Variants in EHHADH observed in about 807,000 individuals in gnomAD.
EHHADH encodes the protein enoyl-CoA hydratase and 3-hydroxyacyl CoA dehydrogenase, also known as peroxisomal bifunctional enzyme.
EHHADH carries 48 observed loss-of-function variants against 64.4 expected under a neutral mutation model. The ratio of observed to expected loss-of-function variants is 0.75; its 90% CI spans 0.59 to 0.95. The LOEUF is 0.95. Among genes scored for constraint, EHHADH ranks in the 40% least tolerant of loss-of-function variants. The pLI is 0.00. For missense variants in EHHADH, 854 were observed against 876.6 expected (o/e 0.97, Z 0.33); for synonymous variants, 308 against 326.7 (o/e 0.94, Z 0.62).
chr3:185,220,996 C>T (rs1718818279), intron 4 of EHHADH, among the ~76,000 whole-genome samples: 1 of 152,128 alleles, frequency 6.6e-6, no homozygotes, highest in Admixed American at 6.5e-5. Context: ...AAATCAAAAC[C>T]CCATCATATT....
chr3:185,192,737 C>T lies in EHHADH; in HGVS notation c.1661G>A (p.Gly554Asp). 2 of 1,614,110 alleles carry T rather than the reference C, an allele frequency of 1.2e-6. No homozygotes were observed. Among genetic ancestry groups the T allele is most frequent in the Non-Finnish European group, 1.7e-6 (2 of 1,180,022 alleles). Residue 554 changes from glycine to aspartate, a missense_variant, in exon 7 of 7, where the codon GGT becomes GAT. By Grantham distance (94) the Gly-to-Asp change is moderately conservative. Transcript: ENST00000231887. ...AGGAATTGGGCAGTACCTCCTATTA[C>T]CCCTTTTTCGGGCAGGAGTTCCTGG... is the stretch of plus-strand genomic sequence containing the variant. ...LLPGTPARKR[G>D]NRRYCPIPDV... is the part of the protein sequence containing the mutation.
chr3:185,245,506 T>C (rs1452402604), intron 2 of EHHADH: 13 of 1,056,002 alleles, frequency 1.2e-5, no homozygotes, highest in Non-Finnish European at 1.3e-5. Flanking sequence ...CATGACAGTC[T>C]GGAAGCCAGT....
chr3:185,227,473 G>T (rs549054151), intron 4 of EHHADH, among the ~76,000 whole-genome samples: 1 of 151,726 alleles, frequency 6.6e-6, no homozygotes, highest in Admixed American at 6.6e-5. Context: ...CAGAGGTTGC[G>T]GTGAGCTGAG....
At chr3:185,242,911 T>C (rs1719496901) in intron 2 of EHHADH, among the ~76,000 whole-genome samples, 1 of 152,220 alleles carries the variant, frequency 6.6e-6, no homozygotes, top group Admixed American at 6.5e-5. Context: ...TGTTACAAAG[T>C]TCAGCTGCAG....
In EHHADH at chr3:185,205,053, T is replaced by C. The variant is rs536577460; in HGVS notation, c.569-296A>G. ...GACAATTTTATAATAGATTAATGATTAATTAATTAAATTAATCAATAGATT... is the reference window on the plus strand; with the variant it reads ...GACAATTTTATAATAGATTAATGATCAATTAATTAAATTAATCAATAGATT... On this transcript the variant is annotated intron_variant, in intron 5 of 6. Transcript: ENST00000231887. Among the ~76,000 whole-genome samples the C allele has an allele frequency of 4.6e-5, 7 of 151,950 alleles. 1 individual carries two copies. Among genetic ancestry groups the C allele is most frequent in the African/African-American group, 1.7e-4 (7 of 41,520 alleles).
chr3:185,213,484 A>C (rs1392538711), intron 5 of EHHADH, among the ~76,000 whole-genome samples: 1 of 152,178 alleles, frequency 6.6e-6, no homozygotes, highest in African/African-American at 2.4e-5. Context: ...ATAAATGCAT[A>C]TATATTTAAT....
intron 5 of EHHADH, among the ~76,000 whole-genome samples, chr3:185,217,134 A>AGGTGGGAGCCT (rs1718701531): frequency 6.6e-6 from 1 of 152,086 alleles, no homozygotes; most frequent in Admixed American, 6.6e-5. Flanking sequence ...CCAGTGTTTG[A>AGGTGGGAGCCT]GGTGGGAGCC....
intron 5 of EHHADH, among the ~76,000 whole-genome samples, chr3:185,206,548 C>T (rs909337294): frequency 2.0e-5 from 3 of 152,240 alleles, no homozygotes; most frequent in African/African-American, 4.8e-5. Context: ...GAAATGACAG[C>T]CAGGTGCAGT....
At chr3:185,245,428 C>T in intron 2 of EHHADH, 1 of 744,094 alleles carries the variant, frequency 1.3e-6, no homozygotes, top group Non-Finnish European at 2.1e-6. Context: ...CACATATCCA[C>T]AACACGCTTT....
At chr3:185,213,934 CA>C (rs1560012104) in intron 5 of EHHADH, among the ~76,000 whole-genome samples, 1 of 147,752 alleles carries the variant, frequency 6.8e-6, no homozygotes, top group African/African-American at 2.5e-5. Context: ...TGGGGAAGCA[CA>C]AAAAGAAAAG....
intron 2 of EHHADH, among the ~76,000 whole-genome samples, chr3:185,243,028 G>T (rs1245743170): frequency 6.6e-6 from 1 of 152,218 alleles, no homozygotes; most frequent in Non-Finnish European, 1.5e-5. Context: ...CAAGCTCCCA[G>T]GGCCTTTCCT....
Position 185,204,708 on chromosome 3 carries a change from C to T in EHHADH, c.618G>A (p.Leu206=), listed in dbSNP as rs779045927. 2 of 1,613,884 alleles carry T rather than the reference C, an allele frequency of 1.2e-6. No homozygotes were observed. Among genetic ancestry groups the T allele is most frequent in the Admixed American group, 1.7e-5 (1 of 59,996 alleles). Residue 206 remains leucine (L), a synonymous_variant, in exon 6 of 7, where the codon TTG becomes TTA. Transcript: ENST00000231887. The part of the protein sequence containing the change: ...RRLCNKPIQS[L]PNMDSIFSEA... The stretch of plus-strand genomic sequence containing the variant: ...CACTAAAAATGCTGTCCATGTTGGG[C>T]AAGCTCTGAATTGGCTTGTTGCAGA...
chr3:185,219,771 T>C (rs1718786781), intron 4 of EHHADH, among the ~76,000 whole-genome samples: 1 of 152,190 alleles, frequency 6.6e-6, no homozygotes, highest in Non-Finnish European at 1.5e-5. Context: ...GCACTTACAG[T>C]GTTGGTGGAT....
chr3:185,234,967 A>G (rs1314208374), intron 3 of EHHADH, among the ~76,000 whole-genome samples: 1 of 152,134 alleles, frequency 6.6e-6, no homozygotes, highest in Non-Finnish European at 1.5e-5. Flanking sequence ...TGGTCACCTG[A>G]GGTCAGGAGT....
chr3:185,241,588 A>G (rs1719454223), intron 2 of EHHADH, among the ~76,000 whole-genome samples: 1 of 151,878 alleles, frequency 6.6e-6, no homozygotes, highest in African/African-American at 2.4e-5. Context: ...TTGTTGGCCA[A>G]TTGTGTATAT....
At chr3:185,223,318 GTTTTGA>G (rs1190483415) in intron 4 of EHHADH, among the ~76,000 whole-genome samples, 1 of 151,958 alleles carries the variant, frequency 6.6e-6, no homozygotes, top group African/African-American at 2.4e-5. Context: ...TTTGGCTAAG[GTTTTGA>G]TTTTAAATAC....
chr3:185,194,126 A>G (rs1208744735), intron 6 of EHHADH, among the ~76,000 whole-genome samples: 2 of 152,214 alleles, frequency 1.3e-5, no homozygotes, highest in East Asian at 3.8e-4. Context: ...AACAATACTG[A>G]AAAAGAACAA....
intron 2 of EHHADH, among the ~76,000 whole-genome samples, chr3:185,241,211 T>C (rs918070245): frequency 2.0e-5 from 3 of 152,234 alleles, no homozygotes; most frequent in African/African-American, 7.2e-5. Context: ...CGTTGATTGA[T>C]GGGCATTTGG....
At chr3:185,226,208 C>G (rs1224366755) in intron 4 of EHHADH, among the ~76,000 whole-genome samples, 1 of 152,162 alleles carries the variant, frequency 6.6e-6, no homozygotes, top group Non-Finnish European at 1.5e-5. Context: ...TCATAAAAGA[C>G]ACTGTGGTGT....
Sources: allele counts gnomAD v4.1 joint callset (sites outside exome capture counted in the v4.1 genomes callset), GRCh38; gene constraint gnomAD v4.1.1; transcripts MANE v1.5; gene names NCBI Gene and HGNC (gene_info 2026-07-23, HGNC 2026-07-21).